The following PPP2R2B variants were observed in gnomAD, a reference collection of about 807,000 sequenced individuals.
PPP2R2B encodes the protein protein phosphatase 2 regulatory subunit Bbeta.
Under a neutral mutation model 46.0 loss-of-function variants are expected in PPP2R2B, and 5 were observed. The ratio of observed to expected loss-of-function variants is 0.11; its 90% CI spans 0.06 to 0.23. PPP2R2B has a LOEUF of 0.23. PPP2R2B is among the 10% of genes least tolerant of loss of function. The pLI, the probability that PPP2R2B is intolerant of heterozygous loss-of-function variation, is 1.00. For synonymous variants in PPP2R2B, 215 were observed against 206.7 expected (o/e 1.04, Z -0.34); for missense variants, 367 against 575.0 (o/e 0.64, Z 3.70).
chr5:146,988,316 A>T (rs1342347255), intron 1 of PPP2R2B, among the ~76,000 whole-genome samples: 1 of 152,008 alleles, frequency 6.6e-6, no homozygotes. Flanking sequence ...TAGAATACAC[A>T]TTCTTTTCAA....
At chr5:146,763,013 C>T (rs892512410) in intron 2 of PPP2R2B, among the ~76,000 whole-genome samples, 7 of 152,176 alleles carry the variant, frequency 4.6e-5, no homozygotes, top group South Asian at 2.1e-4. Flanking sequence ...ACCTGTGACC[C>T]GCCTGGCTCC....
chr5:146,996,069 G>C (rs1753911881), intron 1 of PPP2R2B, among the ~76,000 whole-genome samples: 1 of 152,178 alleles, frequency 6.6e-6, no homozygotes, highest in Admixed American at 6.5e-5. Context: ...AGGATAAACA[G>C]TCACTCAGTT....
At chr5:146,977,645 G>A (rs1752980292) in intron 1 of PPP2R2B, among the ~76,000 whole-genome samples, 1 of 152,056 alleles carries the variant, frequency 6.6e-6, no homozygotes, top group Non-Finnish European at 1.5e-5. Context: ...CTGTCCCTGT[G>A]TTAGTTTGCC....
intron 2 of PPP2R2B, among the ~76,000 whole-genome samples, chr5:146,812,799 A>ATATATATATATATATG (rs1561927622): frequency 6.1e-5 from 3 of 49,522 alleles, no homozygotes; most frequent in African/African-American, 8.3e-5. Context: ...GTGTGTATAT[A>ATATATATATATATATG]TATATATATA....
intron 1 of PPP2R2B, among the ~76,000 whole-genome samples, chr5:146,932,696 T>C (rs575280600): frequency 7.9e-5 from 12 of 152,276 alleles, no homozygotes; most frequent in Non-Finnish European, 1.3e-4. Context: ...CTTTGGACAA[T>C]AGATTCCATG....
rs1378989732 is a variant in PPP2R2B at position 146,806,894 on chromosome 5, G to T, written c.70+71108C>A. Among the ~76,000 whole-genome samples, 6 of 152,186 alleles carry T rather than the reference G, an allele frequency of 3.9e-5. No individual in the cohort carries two copies. In the South Asian group the frequency reaches 6.2e-4, roughly 16 times the overall value. On this transcript the variant is annotated intron_variant, in intron 2 of 9. Coordinates refer to ENST00000394411, the MANE Select transcript of PPP2R2B (RefSeq NM_181675.4). ...CCCCGACAGGGGAGCAGGCAATAGGGGACCTTAGTTTTAGCCTTGGCTCTA... is the reference window on the plus strand; with the variant it reads ...CCCCGACAGGGGAGCAGGCAATAGGTGACCTTAGTTTTAGCCTTGGCTCTA...
intron 8 of PPP2R2B, among the ~76,000 whole-genome samples, chr5:146,598,976 T>A (rs1039332819): frequency 6.6e-6 from 1 of 152,202 alleles, no homozygotes. Flanking sequence ...GATTATTATG[T>A]ACATTATATC....
intron 2 of PPP2R2B, among the ~76,000 whole-genome samples, chr5:146,869,614 G>C (rs908168559): frequency 6.6e-6 from 1 of 152,178 alleles, no homozygotes; most frequent in Non-Finnish European, 1.5e-5. Context: ...TGTATGAATA[G>C]AAAGATGGCT....
At chr5:146,900,439 T>C (rs546360901) in intron 1 of PPP2R2B, among the ~76,000 whole-genome samples, 3 of 152,308 alleles carry the variant, frequency 2.0e-5, no homozygotes, top group South Asian at 4.1e-4. Context: ...TATGTCATTG[T>C]TGCTACCTTG....
At chr5:146,871,411 A>G (rs1761608853) in intron 2 of PPP2R2B, among the ~76,000 whole-genome samples, 1 of 152,200 alleles carries the variant, frequency 6.6e-6, no homozygotes, top group South Asian at 2.1e-4. Flanking sequence ...TTACTGTCCT[A>G]CACTGGGGAT....
intron 2 of PPP2R2B, among the ~76,000 whole-genome samples, chr5:146,861,094 C>T (rs1442736488): frequency 1.5e-5 from 2 of 134,016 alleles, no homozygotes; most frequent in African/African-American, 5.8e-5. Context: ...TCTCCTCTGT[C>T]GCTCGGGCTG....
chr5:146,959,385 A>G (rs1752068233), intron 1 of PPP2R2B, among the ~76,000 whole-genome samples: 1 of 152,198 alleles, frequency 6.6e-6, no homozygotes. Flanking sequence ...GTAGAGACTC[A>G]GAAGGAAACA....
At chr5:146,881,637 T>G (rs1762171337), upstream of PPP2R2B, among the ~76,000 whole-genome samples, 1 of 152,150 alleles carries the variant, frequency 6.6e-6, no homozygotes, top group African/African-American at 2.4e-5. Flanking sequence ...GGTCTCAAAC[T>G]CCTGACCTCA....
intron 1 of PPP2R2B, among the ~76,000 whole-genome samples, chr5:147,001,215 C>T (rs10059332): frequency 0.26 from 39,749 of 152,096 alleles, 5,988 homozygotes; most frequent in African/African-American, 0.4. Context: ...GCAGTGGCAA[C>T]CTGCTCAGGT....
At chr5:146,798,471 T>C (rs1756674087) in intron 2 of PPP2R2B, among the ~76,000 whole-genome samples, 1 of 152,200 alleles carries the variant, frequency 6.6e-6, no homozygotes, top group Non-Finnish European at 1.5e-5. Context: ...AGATAAATCT[T>C]CACACACCAT....
chr5:146,795,219 C>T (rs918758438), intron 2 of PPP2R2B, among the ~76,000 whole-genome samples: 1 of 152,050 alleles, frequency 6.6e-6, no homozygotes, highest in African/African-American at 2.4e-5. Context: ...AAATCACTAT[C>T]TTGAAGAGAC....
chr5:146,743,380 A>C (rs961931016), intron 2 of PPP2R2B, among the ~76,000 whole-genome samples: 11 of 152,212 alleles, frequency 7.2e-5, no homozygotes, highest in Admixed American at 2.6e-4. Flanking sequence ...TAAAACTATC[A>C]TGCGAGGCTA....
intron 2 of PPP2R2B, among the ~76,000 whole-genome samples, chr5:146,876,073 T>C (rs1019962788): frequency 6.6e-6 from 1 of 152,200 alleles, no homozygotes; most frequent in Non-Finnish European, 1.5e-5. Context: ...TAAAGGTTTG[T>C]TAGTTTTGAG....
chr5:146,762,484 T>A (rs998411160), intron 2 of PPP2R2B, among the ~76,000 whole-genome samples: 3 of 152,244 alleles, frequency 2.0e-5, no homozygotes, highest in African/African-American at 7.2e-5. Flanking sequence ...CTACTCTTTC[T>A]ATTCAAGGTG....
Sources: gnomAD v4.1 joint callset for allele counts (sites outside exome capture counted in the v4.1 genomes callset) on GRCh38, gnomAD v4.1.1 for gene constraint, MANE v1.5 for transcripts, NCBI Gene and HGNC (gene_info 2026-07-23, HGNC 2026-07-21) for gene names.